The following DIRAS2 variants were observed in gnomAD, a reference collection of about 807,000 sequenced individuals.
DIRAS2 encodes the protein GTP-binding protein Di-Ras2.
A neutral mutation model predicts 13.9 loss-of-function variants in DIRAS2; 5 were observed. The observed-to-expected ratio is 0.36, with a 90% CI of 0.19 to 0.76. The LOEUF (loss-of-function observed/expected upper bound fraction) is 0.76, where lower values mean the gene tolerates loss of function less well. DIRAS2 is among the 30% of genes least tolerant of loss of function. The probability of loss-of-function intolerance (pLI) is 0.53; values close to 1 mark genes in which losing one functional copy is unlikely to be tolerated. For missense variants in DIRAS2, 191 were observed against 263.0 expected, an observed-to-expected ratio of 0.73 and a Z score of 1.89; for synonymous variants, 111 against 105.4, an observed-to-expected ratio of 1.05 and a Z score of -0.33.
At position 90,613,875 on chromosome 9, in the gene DIRAS2, AC is replaced by A. The variant is rs772994876; in HGVS notation, c.-36-13del. 6.5e-7 allele frequency: 1 copy of A among 1,550,372 alleles called. No homozygotes were observed. The highest frequency in any genetic ancestry group is 8.7e-7 in the Non-Finnish European group (1 of 1,150,896). On this transcript the variant is annotated splice_polypyrimidine_tract_variant and intron_variant, in intron 1 of 1. Coordinates refer to ENST00000375765, the MANE Select transcript of DIRAS2 (RefSeq NM_017594.5). This position sits in a 1 kb window ranked among gnomAD's most constrained non-coding sequence, Gnocchi z 5.6. The stretch of plus-strand genomic sequence containing the variant: ...CAGCCAGGACGCACCTAGCAAAGGA[AC>A]CAGATGTTTGAAAGAATTAATAATT...
In DIRAS2 at chr9:90,624,440, C is replaced by G. The variant is rs142747112; in HGVS notation, c.-36-10577G>C. Among the ~76,000 whole-genome samples, 227 of 152,234 alleles carry G rather than the reference C, an allele frequency of 1.5e-3. 3 individuals are homozygous for G. Among genetic ancestry groups the G allele is most frequent in the African/African-American group, 5.3e-3 (221 of 41,546 alleles). On this transcript the variant is annotated intron_variant, in intron 1 of 1. Transcript: ENST00000375765. ...AAAGACATCTTCCCTGGCAGTGGGG[C>G]AGGTACGAAAGCAAGAGACACATCC...
Position 90,610,665 on chromosome 9 carries a change from C to T in DIRAS2, c.*2563G>A, listed in dbSNP as rs1825103471. The T allele has an allele frequency of 2.7e-6, 1 of 370,640 alleles. No individual in the cohort carries two copies. The highest frequency in any genetic ancestry group is 4.8e-6 in the Non-Finnish European group (1 of 210,076). 23.0% of individuals were successfully genotyped at this position (370,640 alleles called of 1,614,324 possible). On this transcript the variant is annotated 3_prime_UTR_variant, in exon 2 of 2. Coordinates refer to ENST00000375765, the MANE Select transcript of DIRAS2 (RefSeq NM_017594.5). ...AATTCTGTGATACTAACTCCTCAAA[C>T]TCTGAGTCAATTGGGGATCTCCTAA...
At chr9:90,636,910 A>G (rs1825376874) in intron 1 of DIRAS2, among the ~76,000 whole-genome samples, 1 of 152,222 alleles carries the variant, frequency 6.6e-6, no homozygotes, top group South Asian at 2.1e-4. Context: ...CCTACTGTAT[A>G]CCATAGCTTA....
chr9:90,628,506 A>T (rs1427764037), intron 1 of DIRAS2, among the ~76,000 whole-genome samples: 1 of 140,764 alleles, frequency 7.1e-6, no homozygotes, highest in African/African-American at 2.6e-5. Flanking sequence ...TGAAATGCAA[A>T]ATAAAACAAA....
rs1825098600 is a variant in DIRAS2, at chr9:90,610,331, T to C, written c.*2897A>G. On this transcript the variant is annotated 3_prime_UTR_variant, in exon 2 of 2. Transcript: ENST00000375765. ...TTCAAAAATGCAGGAAGATAAATTATATATTTTATATACATGTAATTTTAG... is the reference window on the plus strand; with the variant it reads ...TTCAAAAATGCAGGAAGATAAATTACATATTTTATATACATGTAATTTTAG... 5.0e-6 allele frequency: 2 copies of C among 398,674 alleles called. No individual in the cohort carries two copies. The highest frequency in any genetic ancestry group is 4.4e-5 in the Admixed American group (1 of 22,712). 24.7% of individuals were successfully genotyped at this position (398,674 alleles called of 1,614,324 possible).
chr9:90,625,063 G>A (rs1043101666), intron 1 of DIRAS2, among the ~76,000 whole-genome samples: 3 of 152,248 alleles, frequency 2.0e-5, no homozygotes, highest in Admixed American at 6.5e-5. Flanking sequence ...TCTTGGTCAA[G>A]GGACTGGTGA....
In DIRAS2 at chr9:90,613,842, C is replaced by G. The variant is rs995079817; in HGVS notation, c.-15G>C. Reference sequence around the variant, plus strand: ...TGCTCAGGCATGTTGCTGGAGAGCTCCAACTCTCAGCCAGGACGCACCTAG... The same window carrying G: ...TGCTCAGGCATGTTGCTGGAGAGCTGCAACTCTCAGCCAGGACGCACCTAG... On this transcript the variant is annotated 5_prime_UTR_variant, in exon 2 of 2. Coordinates refer to ENST00000375765, the MANE Select transcript of DIRAS2 (RefSeq NM_017594.5). The surrounding 1 kb of genome is among the most constrained non-coding windows in gnomAD (Gnocchi z 5.6). 2 of 1,601,006 alleles carry G rather than the reference C, an allele frequency of 1.2e-6. No homozygotes were observed. The highest frequency in any genetic ancestry group is 1.7e-6 in the Non-Finnish European group (2 of 1,171,426).
intron 1 of DIRAS2, among the ~76,000 whole-genome samples, chr9:90,634,659 A>G (rs2118581099): frequency 6.6e-6 from 1 of 152,334 alleles, no homozygotes; most frequent in Non-Finnish European, 1.5e-5. Flanking sequence ...CAAAAGGAGG[A>G]AAGTGGATTT....
At chr9:90,629,653 A>G (rs1037030223) in intron 1 of DIRAS2, among the ~76,000 whole-genome samples, 2 of 152,194 alleles carry the variant, frequency 1.3e-5, no homozygotes, top group Non-Finnish European at 2.9e-5. Flanking sequence ...CTTATATGTA[A>G]TGGAGTAGTA....
At chr9:90,617,109 T>C (rs1413474075) in intron 1 of DIRAS2, among the ~76,000 whole-genome samples, 1 of 152,242 alleles carries the variant, frequency 6.6e-6, no homozygotes, top group Non-Finnish European at 1.5e-5. Flanking sequence ...CTAATGCTCA[T>C]GCCATGGTAG....
rs527269929 is a variant in DIRAS2 at position 90,612,486 on chromosome 9, C to T, written c.*742G>A. 5 of 152,190 alleles carry T rather than the reference C, an allele frequency of 3.3e-5. No individual in the cohort carries two copies. The highest frequency in any genetic ancestry group is 7.3e-5 in the Non-Finnish European group (5 of 68,048). 9.4% of individuals were successfully genotyped at this position (152,190 alleles called of 1,614,324 possible). ...TGTATAACACACAGGAACATTATTG[C>T]GATGTTTTAATACTGTCACGATATC... is the stretch of plus-strand genomic sequence containing the variant. On this transcript the variant is annotated 3_prime_UTR_variant, in exon 2 of 2. Transcript: ENST00000375765.
intron 1 of DIRAS2, among the ~76,000 whole-genome samples, chr9:90,632,914 G>A (rs566942309): frequency 3.9e-5 from 6 of 152,186 alleles, no homozygotes; most frequent in Non-Finnish European, 8.8e-5. Flanking sequence ...CAGAACATGC[G>A]GCTATTTCAC....
chr9:90,639,457 T>C (rs191456125), intron 1 of DIRAS2, among the ~76,000 whole-genome samples: 3 of 152,336 alleles, frequency 2.0e-5, no homozygotes, highest in Admixed American at 6.5e-5. Flanking sequence ...TCATTAGTTT[T>C]ATAATGGGTT....
At chr9:90,624,175 T>A (rs1825247056) in intron 1 of DIRAS2, among the ~76,000 whole-genome samples, 2 of 152,186 alleles carry the variant, frequency 1.3e-5, no homozygotes, top group African/African-American at 2.4e-5. Context: ...TGAATAATGG[T>A]CATTAAGAAA....
intron 1 of DIRAS2, among the ~76,000 whole-genome samples, chr9:90,636,622 T>C (rs1350793424): frequency 6.6e-6 from 1 of 152,180 alleles, no homozygotes; most frequent in African/African-American, 2.4e-5. Flanking sequence ...AAAGCATAAA[T>C]TGAATGGTAG....
chr9:90,638,989 G>A (rs1223329085), intron 1 of DIRAS2, among the ~76,000 whole-genome samples: 1 of 151,816 alleles, frequency 6.6e-6, no homozygotes, highest in Non-Finnish European at 1.5e-5. Flanking sequence ...AAGGAGGAAG[G>A]GCGTGTGTGT....
At chr9:90,620,742 A>C (rs1254593570) in intron 1 of DIRAS2, among the ~76,000 whole-genome samples, 1 of 132,886 alleles carries the variant, frequency 7.5e-6, no homozygotes, top group Non-Finnish European at 1.6e-5. Flanking sequence ...CCGCTGTCTC[A>C]AAAAAAAAAA....
chr9:90,614,160 A>G (rs762092959), intron 1 of DIRAS2, among the ~76,000 whole-genome samples: 8 of 152,168 alleles, frequency 5.3e-5, no homozygotes, highest in Non-Finnish European at 1.0e-4. Flanking sequence ...GAGAGACAGC[A>G]CCAAGGAAAG....
At chr9:90,641,560 A>T (rs1436197469) in intron 1 of DIRAS2, among the ~76,000 whole-genome samples, 1 of 152,122 alleles carries the variant, frequency 6.6e-6, no homozygotes, top group Non-Finnish European at 1.5e-5. Context: ...AAAATTGTGG[A>T]CAATTTTCAA....
Sources: gnomAD v4.1 joint callset for allele counts (sites outside exome capture counted in the v4.1 genomes callset) on GRCh38, gnomAD v4.1.1 for gene constraint, Gnocchi (gnomAD v3.1) non-coding constraint, MANE v1.5 for transcripts, NCBI Gene and HGNC (gene_info 2026-07-23, HGNC 2026-07-21) for gene names.